Variants in WNK1 observed in about 807,000 individuals in gnomAD.
WNK1 encodes the protein WNK lysine deficient protein kinase 1.
A neutral mutation model predicts 222.8 loss-of-function variants in WNK1; 38 were observed. The ratio of observed to expected loss-of-function variants is 0.17; its 90% CI spans 0.13 to 0.22. The LOEUF (loss-of-function observed/expected upper bound fraction) is 0.22. Among genes scored for constraint, WNK1 ranks in the 10% least tolerant of loss-of-function variants. WNK1 has a pLI of 1.00. For missense variants in WNK1, 2,348 were observed against 2,918.4 expected (o/e 0.80, Z 4.50); for synonymous variants, 1,090 against 1,092.9 (o/e 1.00, Z 0.05).
chr12:882,860 G>A (rs1014187292), intron 14 of WNK1, 83 bp from the exon 15 acceptor site: 1 of 862,216 alleles, frequency 1.2e-6, no homozygotes, highest in Non-Finnish European at 2.0e-6. Context: ...ATAAAGTCAA[G>A]TGCTAATCTG....
chr12:905,407 A>T (rs1023628535), intron 26 of WNK1, among the ~76,000 whole-genome samples: 9 of 152,108 alleles, frequency 5.9e-5, no homozygotes, highest in African/African-American at 2.2e-4. Flanking sequence ...GTAGGGTAAA[A>T]TGAAAAGTGA....
chr12:901,427 TC>T (rs1214207423), intron 26 of WNK1: 5 of 415,170 alleles, frequency 1.2e-5, no homozygotes, highest in African/African-American at 6.3e-5. Flanking sequence ...TATCTGACCT[TC>T]CCCCCAGAAG....
At chr12:899,301 T>TTTTTGTTTTGTTTTTG (rs1555159998) in intron 25 of WNK1, among the ~76,000 whole-genome samples, 1 of 5,078 alleles carries the variant, frequency 2.0e-4, no homozygotes, top group Non-Finnish European at 4.7e-4. Flanking sequence ...AATCAGATCT[T>TTTTTGTTTTGTTTTTG]TTTTGTTTTT....
Position 879,843 on chromosome 12 carries a change from A to G in WNK1, c.2644A>G (p.Thr882Ala), listed in dbSNP as rs1449618080. 6.2e-7 allele frequency: 1 copy of G among 1,614,030 alleles called. No homozygotes were observed. Among genetic ancestry groups the G allele is most frequent in the Non-Finnish European group, 8.5e-7 (1 of 1,180,018 alleles). Residue 882 changes from threonine to alanine, a missense_variant, in exon 11 of 28, where the codon ACA becomes GCA. Around this residue, in one of 13 missense-constraint regions of WNK1, gnomAD observed 547 missense variants for 558.3 expected, o/e 0.98. Transcript: ENST00000315939. The stretch of plus-strand genomic sequence containing the variant: ...GCTCACGTTGGCTTCATCTGCTACA[A>G]CAGCTGCGATCCCGGGGGTATCAAC... ...PLLTLASSAT[T>A]AAIPGVSTVV...
rs758217773 is a variant in WNK1 at position 890,439 on chromosome 12, T to C, written c.5449-14T>C. On this transcript the variant is annotated splice_polypyrimidine_tract_variant and intron_variant, in intron 21 of 27. Coordinates refer to ENST00000315939, the MANE Select transcript of WNK1 (RefSeq NM_018979.4). ...GCTAAAGATTTGTGGTGTCTGTCTG[T>C]GTGTGTTTTACAGCCTGTGTCCATG... The C allele has an allele frequency of 6.2e-7, 1 of 1,614,052 alleles. No homozygotes were observed. Among genetic ancestry groups the C allele is most frequent in the South Asian group, 1.1e-5 (1 of 91,074 alleles).
chr12:884,359 A>G lies in WNK1; in HGVS notation c.3844+116A>G. On this transcript the variant is annotated intron_variant, in intron 18 of 27. Coordinates refer to ENST00000315939, the MANE Select transcript of WNK1 (RefSeq NM_018979.4). The surrounding 1 kb of genome is among the most constrained non-coding windows in gnomAD (Gnocchi z 5.6). ...ACACAGATAATAAAAAAGAATAGAA[A>G]ACTGAAGTTATAACCAACAGATAAA... is the stretch of plus-strand genomic sequence containing the variant. 1 of 1,487,344 alleles carries G rather than the reference A, an allele frequency of 6.7e-7. No homozygotes were observed. Among genetic ancestry groups the G allele is most frequent in the East Asian group, 2.3e-5 (1 of 44,060 alleles). 92.1% of individuals were successfully genotyped at this position (1,487,344 alleles called of 1,614,324 possible).
chr12:861,329 G>A lies in WNK1; in HGVS notation c.1937G>A (p.Ser646Asn), dbSNP rs1951201717. 1 of 1,613,990 alleles carries A rather than the reference G, an allele frequency of 6.2e-7. No individual in the cohort carries two copies. The highest frequency in any genetic ancestry group is 8.5e-7 in the Non-Finnish European group (1 of 1,179,982). The stretch of plus-strand genomic sequence containing the variant: ...CAACAACTACAGTACCAGCAACCCA[G>A]TATATCTGTGTTATGTACGTATCTT... ...QHQQLQYQQPSISVLSDGTVD... is the reference protein window; with the variant it reads ...QHQQLQYQQPNISVLSDGTVD... The change falls in exon 7 of 28, where the codon AGT (serine) becomes AAT (asparagine). Residue 646 changes from serine to asparagine, a missense_variant. Coordinates refer to ENST00000315939, the MANE Select transcript of WNK1 (RefSeq NM_018979.4).
chr12:879,812 G>T lies in WNK1; in HGVS notation c.2613G>T (p.Gln871His). ...LPITMAAGIT[Q>H]PLLTLASSAT... Reference sequence around the variant, plus strand: ...TCACAATGGCAGCTGGCATTACTCAGCCTCTGCTCACGTTGGCTTCATCTG... The same window carrying T: ...TCACAATGGCAGCTGGCATTACTCATCCTCTGCTCACGTTGGCTTCATCTG... The change falls in exon 11 of 28, where the codon CAG becomes CAT. Residue 871 changes from glutamine to histidine, a missense_variant. Gln to His is a conservative substitution (Grantham distance 24, BLOSUM62 0). Around this residue, in one of 13 missense-constraint regions of WNK1, gnomAD observed 547 missense variants for 558.3 expected, o/e 0.98. Transcript: ENST00000315939. 1 of 1,614,060 alleles carries T rather than the reference G, an allele frequency of 6.2e-7. No homozygotes were observed. The highest frequency in any genetic ancestry group is 8.5e-7 in the Non-Finnish European group (1 of 1,180,020).
At chr12:882,185 C>G in intron 14 of WNK1, 112 bp downstream of exon 14, 1 of 1,241,164 alleles carries the variant, frequency 8.1e-7, no homozygotes, top group Non-Finnish European at 1.1e-6. Flanking sequence ...AGATAACTAT[C>G]TGTGTGTGAC....
intron 1 of WNK1, among the ~76,000 whole-genome samples, chr12:755,123 T>A (rs1939805290): frequency 6.6e-6 from 1 of 152,204 alleles, no homozygotes; most frequent in Admixed American, 6.5e-5. Context: ...GGTGTGTCAT[T>A]CCGGTTGACT....
intron 27 of WNK1, 46 bp downstream of exon 27, chr12:908,080 T>G (rs1056165760): frequency 1.9e-6 from 3 of 1,603,792 alleles, no homozygotes; most frequent in Non-Finnish European, 2.6e-6. Flanking sequence ...CACATCTGAG[T>G]CAAGGTGATA....
chr12:787,824 C>T (rs141811176), intron 1 of WNK1, among the ~76,000 whole-genome samples: 61 of 152,132 alleles, frequency 4.0e-4, no homozygotes, highest in African/African-American at 1.4e-3. Context: ...TATGTGGATG[C>T]TTTACATTGT....
chr12:906,908 A>T (rs979808345), intron 26 of WNK1: 4 of 250,532 alleles, frequency 1.6e-5, no homozygotes, highest in East Asian at 1.8e-4. Context: ...GGAAGTGCAT[A>T]CGTCTAGTCC....
At chr12:762,646 G>A (rs1235965584) in intron 1 of WNK1, among the ~76,000 whole-genome samples, 1 of 147,392 alleles carries the variant, frequency 6.8e-6, no homozygotes, top group East Asian at 1.9e-4. Context: ...TTGCATAGCA[G>A]TAATTGCCCA....
At chr12:799,804 C>A (rs1591758441) in intron 1 of WNK1, among the ~76,000 whole-genome samples, 2 of 152,128 alleles carry the variant, frequency 1.3e-5, no homozygotes, top group East Asian at 3.8e-4. Context: ...CCTGCTTTAG[C>A]CTCCCAAGTA....
intron 8 of WNK1, among the ~76,000 whole-genome samples, chr12:865,955 A>T (rs1210156221): frequency 6.6e-6 from 1 of 152,164 alleles, no homozygotes; most frequent in South Asian, 2.1e-4. Context: ...CTAAGGTGGG[A>T]CTGTAGCTCT....
intron 4 of WNK1, among the ~76,000 whole-genome samples, chr12:849,819 T>C (rs1387849692): frequency 6.6e-6 from 1 of 152,130 alleles, no homozygotes; most frequent in East Asian, 1.9e-4. Context: ...CATGTGGTGT[T>C]TGGTTTTTTG....
At chr12:808,111 C>G (rs1178552015) in intron 1 of WNK1, among the ~76,000 whole-genome samples, 4 of 150,094 alleles carry the variant, frequency 2.7e-5, no homozygotes, top group African/African-American at 9.6e-5. Flanking sequence ...AGGAAGACCT[C>G]CTGCAAGACC....
chr12:910,696 C>T lies in WNK1; in HGVS notation c.*1904C>T, dbSNP rs915792726. ...CACGTCAATGGCATATTCTGGGAAT[C>T]ACCACCACCACCACCACTACCACAG... On this transcript the variant is annotated 3_prime_UTR_variant, in exon 28 of 28. Transcript: ENST00000315939. 6.6e-6 allele frequency: 1 copy of T among 152,232 alleles called. No individual in the cohort carries two copies. The highest frequency in any genetic ancestry group is 2.4e-5 in the African/African-American group (1 of 41,380). The allele number at this position is 152,232 out of a possible 1,614,324, so 9.4% of individuals were successfully genotyped here.
Sources: gnomAD v4.1 joint callset for allele counts (sites outside exome capture counted in the v4.1 genomes callset) on GRCh38, gnomAD v4.1.1 for gene constraint, gnomAD v4.1.1 regional missense constraint, Gnocchi (gnomAD v3.1) non-coding constraint, MANE v1.5 for transcripts, NCBI Gene and HGNC (gene_info 2026-07-23, HGNC 2026-07-21) for gene names.